COX6B1: variants seen among roughly 807,000 people sequenced by gnomAD.
The protein encoded by COX6B1 is COX VIb-1.
COX6B1 carries 2 observed loss-of-function variants against 14.0 expected under a neutral mutation model. That is an observed-to-expected ratio of 0.14 (90% CI 0.06 to 0.45). The LOEUF (loss-of-function observed/expected upper bound fraction) is 0.45. Among genes scored for constraint, COX6B1 ranks in the 20% least tolerant of loss-of-function variants. The pLI is 0.98. For synonymous variants in COX6B1, 30 were observed against 39.7 expected (o/e 0.76, Z 0.92); for missense variants, 81 against 114.2 (o/e 0.71, Z 1.33).
At chr19:35,658,487 G>C in intron 3 of COX6B1, 107 bp from the exon 4 acceptor site, 2 of 935,038 alleles carry the variant, frequency 2.1e-6, no homozygotes, top group Admixed American at 3.8e-5. Flanking sequence ...CACACAGCAG[G>C]TACCTGTGGA....
At position 35,658,713 on chromosome 19, in the gene COX6B1, A is replaced by C; in HGVS notation, c.*66A>C. 3 of 1,419,000 alleles carry C rather than the reference A, an allele frequency of 2.1e-6. No individual in the cohort carries two copies. Among genetic ancestry groups the C allele is most frequent in the Non-Finnish European group, 3.0e-6 (3 of 1,002,958 alleles). The allele number at this position is 1,419,000 out of a possible 1,614,324, so 87.9% of individuals were successfully genotyped here. A position where few individuals can be genotyped will look rare whatever the true frequency, so the allele number is the denominator to read the frequency against. On this transcript the variant is annotated 3_prime_UTR_variant, in exon 4 of 4. Coordinates refer to ENST00000649813, the MANE Select transcript of COX6B1 (RefSeq NM_001863.5). ...CCAGGATGGTGAAGGGGGACCTGGT[A>C]CCCAGTGATCCCCACCCCAGGATCC...
In COX6B1 at chr19:35,654,676, G is replaced by T. The variant is rs376648456; in HGVS notation, c.207+5G>T. ...TCCCTCTGCCCCACATCCTGGGTAT[G>T]TGCCTCCTGCCAGGGCCCTTGGGAT... On this transcript the variant is annotated splice_donor_5th_base_variant and intron_variant, in intron 3 of 3. Coordinates refer to ENST00000649813, the MANE Select transcript of COX6B1 (RefSeq NM_001863.5). The T allele has an allele frequency of 3.7e-6, 6 of 1,613,654 alleles. No homozygotes were observed. Among genetic ancestry groups the T allele is most frequent in the Non-Finnish European group, 5.1e-6 (6 of 1,179,704 alleles).
chr19:35,656,442 C>T (rs1207118726), intron 3 of COX6B1, among the ~76,000 whole-genome samples: 1 of 150,256 alleles, frequency 6.7e-6, no homozygotes, highest in African/African-American at 2.5e-5. Context: ...AGGCACATAC[C>T]GCTGGCACTT....
intron 3 of COX6B1, among the ~76,000 whole-genome samples, chr19:35,656,512 G>T (rs972959464): frequency 3.9e-5 from 5 of 127,734 alleles, no homozygotes; most frequent in Non-Finnish European, 6.3e-5. Context: ...ATGGAGTCTT[G>T]CTCTGTCTCC....
intron 2 of COX6B1, among the ~76,000 whole-genome samples, chr19:35,653,938 A>G (rs963563084): frequency 9.9e-5 from 15 of 151,212 alleles, no homozygotes; most frequent in Non-Finnish European, 2.1e-4. Flanking sequence ...TCCTACCCTC[A>G]AGTGATCCAC....
intron 1 of COX6B1, chr19:35,648,844 T>C (rs1357408059): frequency 1.9e-6 from 1 of 533,420 alleles, no homozygotes; most frequent in Admixed American, 1.9e-5. Context: ...TTTTGGACGT[T>C]GGAGGGGCCG....
intron 1 of COX6B1, among the ~76,000 whole-genome samples, chr19:35,650,092 C>T (rs1480515265): frequency 6.6e-6 from 1 of 152,042 alleles, no homozygotes; most frequent in East Asian, 1.9e-4. Context: ...CAACCTCCGC[C>T]TCCTGGGTTT....
At chr19:35,654,738 C>T in intron 3 of COX6B1, 67 bp downstream of exon 3, 2 of 1,427,530 alleles carry the variant, frequency 1.4e-6, no homozygotes, top group Admixed American at 1.7e-5. Flanking sequence ...AGTGTGGTGG[C>T]TTGGTGGGAG....
chr19:35,650,874 C>T (rs1261845767), intron 1 of COX6B1, among the ~76,000 whole-genome samples: 1 of 152,064 alleles, frequency 6.6e-6, no homozygotes, highest in African/African-American at 2.4e-5. Flanking sequence ...ACTTAGACAC[C>T]CTGTTCCTTC....
At chr19:35,655,256 C>G (rs532592304) in intron 3 of COX6B1, among the ~76,000 whole-genome samples, 1 of 152,246 alleles carries the variant, frequency 6.6e-6, no homozygotes, top group East Asian at 1.9e-4. Context: ...TCTCAATCTC[C>G]TGACTTCATG....
At chr19:35,652,966 T>A (rs1476153041) in intron 2 of COX6B1, among the ~76,000 whole-genome samples, 4 of 102,922 alleles carry the variant, frequency 3.9e-5, no homozygotes, top group Non-Finnish European at 8.0e-5. Flanking sequence ...ACCCAGCTAA[T>A]TTTTTTTTTT....
Position 35,658,602 on chromosome 19 carries a change from C to G in COX6B1, c.216C>G (p.Asp72Glu), listed in dbSNP as rs1967912694. ...ACACTGTCTTTCCACAGGTCACAGA[C>G]TGGGATGAGCAACGGGCTGAAGGCA... ...QSLCPTSWVT[D>E]WDEQRAEGTF... Residue 72 changes from aspartate (D) to glutamate (E), a missense_variant, in exon 4 of 4, where the codon GAC (aspartate) becomes GAG (glutamate). Physicochemically the swap from Asp to Glu is conservative, Grantham distance 45. Coordinates refer to ENST00000649813, the MANE Select transcript of COX6B1 (RefSeq NM_001863.5). 2 of 1,613,920 alleles carry G rather than the reference C, an allele frequency of 1.2e-6. No individual in the cohort carries two copies. The highest frequency in any genetic ancestry group is 1.3e-5 in the African/African-American group (1 of 74,938).
chr19:35,655,885 C>G (rs966068174), intron 3 of COX6B1, among the ~76,000 whole-genome samples: 2 of 151,820 alleles, frequency 1.3e-5, no homozygotes, highest in Admixed American at 1.3e-4. Context: ...CTTTCTTGAG[C>G]CTTGCTCTGT....
rs1228174024 is a variant in COX6B1 at position 35,654,595 on chromosome 19, T to A, written c.131T>A (p.Met44Lys). 2 of 1,614,058 alleles carry A rather than the reference T, an allele frequency of 1.2e-6. No homozygotes were observed. The highest frequency in any genetic ancestry group is 2.2e-5 in the South Asian group (2 of 91,082). The change falls in exon 3 of 4, where the codon ATG becomes AAG. Residue 44 changes from methionine (M) to lysine (K), a missense_variant. Coordinates refer to ENST00000649813, the MANE Select transcript of COX6B1 (RefSeq NM_001863.5). ...YLDFHRCQKA[M>K]TAKGGDISVC... ...GACTTCCACCGCTGTCAGAAGGCAA[T>A]GACCGCTAAAGGAGGCGATATCTCT...
intron 1 of COX6B1, 120 bp from the exon 2 acceptor site, chr19:35,651,113 C>A: frequency 2.8e-6 from 2 of 718,304 alleles, no homozygotes; most frequent in East Asian, 2.7e-5. Context: ...TGTTGAGAGG[C>A]AGGAACTTGT....
chr19:35,649,138 A>G (rs1476301766), intron 1 of COX6B1, among the ~76,000 whole-genome samples: 1 of 152,104 alleles, frequency 6.6e-6, no homozygotes, highest in East Asian at 1.9e-4. Flanking sequence ...CAGAGACATT[A>G]TATTAAAGGT....
chr19:35,658,325 G>A (rs1377131981), intron 3 of COX6B1, among the ~76,000 whole-genome samples: 1 of 152,054 alleles, frequency 6.6e-6, no homozygotes, highest in Non-Finnish European at 1.5e-5. Context: ...TTGGAGCTCT[G>A]TACAGTGACA....
chr19:35,650,627 G>A (rs1006938425), intron 1 of COX6B1, among the ~76,000 whole-genome samples: 1 of 151,920 alleles, frequency 6.6e-6, no homozygotes, highest in African/African-American at 2.4e-5. Context: ...AGAATTGCTT[G>A]AATCTTGGAG....
At chr19:35,651,449 C>A (rs1967823874) in intron 2 of COX6B1, 100 bp downstream of exon 2, 1 of 864,416 alleles carries the variant, frequency 1.2e-6, no homozygotes, top group African/African-American at 1.7e-5. Flanking sequence ...TTATTCTGAA[C>A]ATCCTTACTC....
Sources: gnomAD v4.1 joint callset for allele counts (sites outside exome capture counted in the v4.1 genomes callset) on GRCh38, gnomAD v4.1.1 for gene constraint, MANE v1.5 for transcripts, NCBI Gene and HGNC (gene_info 2026-07-23, HGNC 2026-07-21) for gene names.